The following HDAC9 variants were observed in gnomAD, a reference collection of about 807,000 sequenced individuals.
HDAC9 encodes the protein histone deacetylase 9.
Under a neutral mutation model 139.4 loss-of-function variants are expected in HDAC9, and 41 were observed. The observed-to-expected ratio is 0.29, with a 90% CI of 0.23 to 0.38. The LOEUF (loss-of-function observed/expected upper bound fraction) is 0.38. Among genes scored for constraint, HDAC9 ranks in the 10% least tolerant of loss-of-function variants. The pLI is 1.00. For missense variants in HDAC9, 1,147 were observed against 1,297.0 expected (o/e 0.88, Z 1.78); for synonymous variants, 517 against 476.2 (o/e 1.09, Z -1.12).
Position 18,774,019 on chromosome 7 carries a change from T to C in HDAC9, c.2214+6864T>C, listed in dbSNP as rs191145147. ...TTTTTTTCAAAATTCAAAACCAAAA[T>C]AAATTAGCTCACTGAATGCTTGAGC... On this transcript the variant is annotated intron_variant, in intron 16 of 25. Coordinates refer to ENST00000686413, the MANE Select transcript of HDAC9 (RefSeq NM_178425.4). Among the ~76,000 whole-genome samples the C allele has an allele frequency of 2.5e-3, 373 of 151,702 alleles. 4 individuals are homozygous for C. Among genetic ancestry groups the C allele is most frequent in the Non-Finnish European group, 6.2e-4 (42 of 67,870 alleles).
chr7:18,893,879 AG>A (rs1221854907), intron 22 of HDAC9, among the ~76,000 whole-genome samples: 1 of 152,200 alleles, frequency 6.6e-6, no homozygotes, highest in African/African-American at 2.4e-5. Context: ...AAACTATCAT[AG>A]GGAGGAACAT....
At chr7:18,360,048 G>A (rs1783654356) in intron 1 of HDAC9, among the ~76,000 whole-genome samples, 2 of 152,042 alleles carry the variant, frequency 1.3e-5, no homozygotes, top group African/African-American at 4.8e-5. Flanking sequence ...TCCACCCTCC[G>A]ATTCTCCTCT....
chr7:18,559,522 G>A (rs923309990), intron 2 of HDAC9, among the ~76,000 whole-genome samples: 6 of 152,296 alleles, frequency 3.9e-5, no homozygotes, highest in Admixed American at 1.3e-4. Flanking sequence ...GGAGGAGGGG[G>A]TAGGGACATG....
chr7:18,337,539 TATA>T (rs1243614323), intron 1 of HDAC9, among the ~76,000 whole-genome samples: 5 of 151,756 alleles, frequency 3.3e-5, no homozygotes, highest in South Asian at 2.1e-4. Flanking sequence ...ATTCTAATGT[TATA>T]ATAATGTGCA....
At chr7:18,519,094 C>T (rs1164083070) in intron 2 of HDAC9, among the ~76,000 whole-genome samples, 1 of 152,082 alleles carries the variant, frequency 6.6e-6, no homozygotes, top group Non-Finnish European at 1.5e-5. Context: ...TTTGAAGACC[C>T]TACTTCATAG....
At chr7:18,198,814 G>T (rs1455180584) in intron 2 of HDAC9, among the ~76,000 whole-genome samples, 1 of 152,152 alleles carries the variant, frequency 6.6e-6, no homozygotes, top group Non-Finnish European at 1.5e-5. Flanking sequence ...AACAGAAATA[G>T]ATGTCATAAA....
chr7:18,294,071 G>C (rs998890216), intron 1 of HDAC9, among the ~76,000 whole-genome samples: 2 of 152,054 alleles, frequency 1.3e-5, no homozygotes, highest in African/African-American at 4.8e-5. Context: ...ATTCACAATT[G>C]CTTAGCATCT....
At chr7:18,489,081 C>G (rs149154013) in intron 1 of HDAC9, among the ~76,000 whole-genome samples, 3 of 151,984 alleles carry the variant, frequency 2.0e-5, no homozygotes, top group Non-Finnish European at 4.4e-5. Flanking sequence ...TAGTGATTTA[C>G]TCAAGATCAG....
At chr7:18,829,946 C>A (rs1795738238) in intron 19 of HDAC9, among the ~76,000 whole-genome samples, 1 of 152,116 alleles carries the variant, frequency 6.6e-6, no homozygotes, top group Non-Finnish European at 1.5e-5. Flanking sequence ...GGTTAGAAAT[C>A]ATGTTGCTTG....
rs564639148 is a variant in HDAC9 at position 18,234,276 on chromosome 7, A to G, written c.25+71927A>G. Among the ~76,000 whole-genome samples the G allele has an allele frequency of 3.3e-5, 5 of 152,326 alleles. No individual in the cohort carries two copies. The South Asian group carries it at 6.2e-4, about 19-fold the overall frequency. On this transcript the variant is annotated intron_variant, in intron 2 of 12. Coordinates refer to the HDAC9 transcript ENST00000417496. ...AGGGTCTTAGGTGTAGTTGGGGAAC[A>G]TAATTGTATTTAAAATTGTGAATAA...
At chr7:18,380,735 G>A (rs1785360098) in intron 1 of HDAC9, among the ~76,000 whole-genome samples, 1 of 152,138 alleles carries the variant, frequency 6.6e-6, no homozygotes, top group African/African-American at 2.4e-5. Context: ...TCTCTTAGAG[G>A]TTTTTTGTTT....
At chr7:18,638,333 T>C (rs918753377) in intron 8 of HDAC9, among the ~76,000 whole-genome samples, 13 of 152,110 alleles carry the variant, frequency 8.5e-5, no homozygotes, top group Non-Finnish European at 1.5e-4. Flanking sequence ...CAAAATTTTC[T>C]ATCTTGTAAT....
intron 1 of HDAC9, among the ~76,000 whole-genome samples, chr7:18,417,761 T>C (rs1417971197): frequency 1.3e-5 from 2 of 152,178 alleles, no homozygotes; most frequent in Non-Finnish European, 2.9e-5. Context: ...CTGGTCGCTG[T>C]TAGCTTTAGG....
chr7:18,929,327 C>G (rs138715192), intron 22 of HDAC9, among the ~76,000 whole-genome samples: 1 of 151,874 alleles, frequency 6.6e-6, no homozygotes, highest in East Asian at 1.9e-4. Context: ...TTTTTATAAT[C>G]AAAAATATTA....
chr7:18,530,313 C>T (rs189121237), intron 2 of HDAC9, among the ~76,000 whole-genome samples: 1 of 152,066 alleles, frequency 6.6e-6, no homozygotes, highest in Non-Finnish European at 1.5e-5. Context: ...TATGTTCTAT[C>T]TGAAAACAAT....
chr7:18,873,556 A>T (rs1799089365), intron 21 of HDAC9, among the ~76,000 whole-genome samples: 1 of 152,306 alleles, frequency 6.6e-6, no homozygotes, highest in Non-Finnish European at 1.5e-5. Flanking sequence ...TAAAGTAATT[A>T]TGTCATTATT....
intron 1 of HDAC9, among the ~76,000 whole-genome samples, chr7:18,392,311 T>TCACACACACACACA (rs1448388852): frequency 8.0e-6 from 1 of 124,520 alleles, no homozygotes; most frequent in African/African-American, 3.5e-5. Flanking sequence ...TCTCTCTCTC[T>TCACACACACACACA]CTCTCACACA....
In HDAC9 at chr7:18,451,133, C is replaced by T. The variant is rs116288506; in HGVS notation, c.-41-45129C>T. Among the ~76,000 whole-genome samples the T allele has an allele frequency of 7.7e-3, 1,166 of 152,144 alleles. 14 individuals carry two copies. The highest frequency in any genetic ancestry group is 0.027 in the African/African-American group (1,102 of 41,492). On this transcript the variant is annotated intron_variant, in intron 1 of 3. Coordinates refer to the HDAC9 transcript ENST00000413509. Reference sequence around the variant, plus strand: ...CCTCAAGAATGGATTAGTGCCTTTACGAAACAGGCCTGAGGGAGCTTGTGG... The same window carrying T: ...CCTCAAGAATGGATTAGTGCCTTTATGAAACAGGCCTGAGGGAGCTTGTGG...
chr7:18,694,818 A>C (rs1346939963), intron 12 of HDAC9, among the ~76,000 whole-genome samples: 2 of 152,186 alleles, frequency 1.3e-5, no homozygotes, highest in African/African-American at 4.8e-5. Flanking sequence ...ATGCAAATGG[A>C]ACTTTTTCTT....
Sources: gnomAD v4.1 joint callset for allele counts (sites outside exome capture counted in the v4.1 genomes callset) on GRCh38, gnomAD v4.1.1 for gene constraint, MANE v1.5 for transcripts, NCBI Gene and HGNC (gene_info 2026-07-23, HGNC 2026-07-21) for gene names.